The following CDCA2 variants were observed in gnomAD, a reference collection of about 807,000 sequenced individuals.
CDCA2 encodes cell division cycle associated 2.
A neutral mutation model predicts 67.0 loss-of-function variants in CDCA2; 44 were observed. The observed-to-expected ratio is 0.66, with a 90% CI of 0.52 to 0.84. CDCA2 has a LOEUF of 0.84. Ranked by LOEUF, CDCA2 falls within the 40% of genes least tolerant of loss-of-function variation. The probability of loss-of-function intolerance (pLI) is 0.00; values close to 1 mark genes in which losing one functional copy is unlikely to be tolerated. For synonymous variants in CDCA2, 447 were observed against 418.7 expected, an observed-to-expected ratio of 1.07 and a Z score of -0.82; for missense variants, 1,253 against 1,203.2, an observed-to-expected ratio of 1.04 and a Z score of -0.61.
At chr8:25,469,156 C>G (rs2117488961) in intron 6 of CDCA2, among the ~76,000 whole-genome samples, 1 of 152,350 alleles carries the variant, frequency 6.6e-6, no homozygotes, top group East Asian at 1.9e-4. Flanking sequence ...AGAGGAGACA[C>G]CTAACACCGT....
intron 6 of CDCA2, among the ~76,000 whole-genome samples, chr8:25,469,007 G>T (rs185629859): frequency 3.5e-4 from 53 of 152,340 alleles, no homozygotes; most frequent in African/African-American, 1.2e-3. Context: ...ATCAAAAGGC[G>T]ATATTAGAAA....
intron 7 of CDCA2, among the ~76,000 whole-genome samples, chr8:25,472,735 A>G (rs1358286538): frequency 1.3e-5 from 2 of 152,218 alleles, no homozygotes; most frequent in African/African-American, 2.4e-5. Flanking sequence ...TTGAATGACA[A>G]ACCATAACTG....
At position 25,468,336 on chromosome 8, in the gene CDCA2, A is replaced by G; in HGVS notation, c.658A>G (p.Lys220Glu). Residue 220 changes from lysine to glutamate, a missense_variant, in exon 6 of 15, where the codon AAA becomes GAA. By Grantham distance (56) the Lys-to-Glu change is moderately conservative. Transcript: ENST00000330560. Reference sequence around the variant, plus strand: ...TGAAAATCTGACGGATGCTGAAGGAAAAGTAATTGGTCTCCAGATATTCAA... The same window carrying G: ...TGAAAATCTGACGGATGCTGAAGGAGAAGTAATTGGTCTCCAGATATTCAA... ...SDENLTDAEG[K>E]VIGLQIFNID... The G allele has an allele frequency of 6.2e-7, 1 of 1,613,990 alleles. No homozygotes were observed. Among genetic ancestry groups the G allele is most frequent in the South Asian group, 1.1e-5 (1 of 91,064 alleles).
intron 7 of CDCA2, among the ~76,000 whole-genome samples, chr8:25,477,514 G>T (rs1274493806): frequency 6.6e-6 from 1 of 152,142 alleles, no homozygotes; most frequent in Non-Finnish European, 1.5e-5. Flanking sequence ...AGCATTTCTG[G>T]ATTTTCAGGT....
intron 4 of CDCA2, 150 bp from the exon 5 acceptor site, chr8:25,466,025 T>G (rs529414765): frequency 1.8e-6 from 1 of 563,000 alleles, no homozygotes; most frequent in African/African-American, 2.0e-5. Context: ...AATTCCAGGG[T>G]GAAGAAGCTC....
intron 4 of CDCA2, among the ~76,000 whole-genome samples, chr8:25,463,986 T>G (rs77662775): frequency 6.6e-6 from 1 of 152,338 alleles, no homozygotes; most frequent in East Asian, 1.9e-4. Flanking sequence ...CAGATTTTAC[T>G]AAAGATAGAG....
rs533996251 is a variant in CDCA2, at chr8:25,495,468, G to T, written c.1671+6779G>T. On this transcript the variant is annotated intron_variant, in intron 13 of 14. Coordinates refer to ENST00000330560, the MANE Select transcript of CDCA2 (RefSeq NM_152562.4). ...CTTGCTCTGTCACCCAGGCTAGAGT[G>T]CAGTGGCGTGAGCTCGGCTCACTGC... Among the ~76,000 whole-genome samples, 16 of 151,988 alleles carry T rather than the reference G, an allele frequency of 1.1e-4. No homozygotes were observed. In the East Asian group the frequency reaches 2.9e-3, roughly 28 times the overall value.
At chr8:25,467,197 G>T (rs1437585622) in intron 5 of CDCA2, among the ~76,000 whole-genome samples, 1 of 150,896 alleles carries the variant, frequency 6.6e-6, no homozygotes, top group Admixed American at 6.6e-5. Flanking sequence ...TCAGATACCA[G>T]AATGTGACAA....
intron 14 of CDCA2, 122 bp downstream of exon 14, chr8:25,503,666 A>G: frequency 1.1e-6 from 1 of 934,850 alleles, no homozygotes; most frequent in Non-Finnish European, 1.6e-6. Flanking sequence ...TTTAAAAAGC[A>G]ATGTTTCCTC....
chr8:25,463,958 A>G (rs894519023), intron 4 of CDCA2, among the ~76,000 whole-genome samples: 3 of 152,010 alleles, frequency 2.0e-5, no homozygotes, highest in Non-Finnish European at 2.9e-5. Flanking sequence ...CCTCTTTCTC[A>G]TTGTTTTGGC....
Position 25,462,164 on chromosome 8 carries a change from A to T in CDCA2, c.343A>T (p.Lys115Ter). Residue 115 changes from lysine to a stop codon, truncating the protein, a stop_gained, in exon 4 of 15, where the codon AAG becomes TAG. Coordinates refer to ENST00000330560, the MANE Select transcript of CDCA2 (RefSeq NM_152562.4). LOFTEE classifies it high-confidence loss of function. ...IRFIARQQNIKNARKSPLAQD... is the reference protein window; with the variant it reads ...IRFIARQQNI ...TTTCATTGCTCGGCAGCAAAATATAAAGAATGCTAGGAAATCTCCTTTGGC... is the reference window on the plus strand; with the variant it reads ...TTTCATTGCTCGGCAGCAAAATATATAGAATGCTAGGAAATCTCCTTTGGC... 6.2e-7 allele frequency: 1 copy of T among 1,614,200 alleles called. No individual in the cohort carries two copies. Among genetic ancestry groups the T allele is most frequent in the Non-Finnish European group, 8.5e-7 (1 of 1,180,020 alleles).
chr8:25,503,288 T>C (rs1804544904), intron 13 of CDCA2, 85 bp from the exon 14 acceptor site: 1 of 1,003,146 alleles, frequency 1.0e-6, no homozygotes, highest in South Asian at 1.4e-5. Flanking sequence ...GTCTCAAAAA[T>C]AAATAAAAAT....
chr8:25,472,487 G>A (rs1803196869), intron 7 of CDCA2, among the ~76,000 whole-genome samples: 1 of 152,060 alleles, frequency 6.6e-6, no homozygotes, highest in Admixed American at 6.6e-5. Context: ...CTGACCTCAG[G>A]TGACCCACCT....
Position 25,466,193 on chromosome 8 carries a change from C to T in CDCA2, c.406C>T (p.Arg136Ter), listed in dbSNP as rs954608110. 2.5e-6 allele frequency: 4 copies of T among 1,610,290 alleles called. No individual in the cohort carries two copies. The highest frequency in any genetic ancestry group is 1.1e-5 in the South Asian group (1 of 90,128). ...SPSQGSPALY[R>*]NVNTLRERIS... is the part of the protein sequence containing the mutation. The stretch of plus-strand genomic sequence containing the variant: ...TTCACAGGGCAGCCCTGCACTGTAT[C>T]GAAATGTTAACACTTTAAGAGAACG... The change falls in exon 5 of 15, where the codon CGA becomes TGA. Residue 136 changes from arginine (R) to a stop codon, truncating the protein, a stop_gained. Coordinates refer to ENST00000330560, the MANE Select transcript of CDCA2 (RefSeq NM_152562.4). LOFTEE classifies it high-confidence loss of function.
At chr8:25,500,246 G>A (rs892670063) in intron 13 of CDCA2, among the ~76,000 whole-genome samples, 3 of 145,032 alleles carry the variant, frequency 2.1e-5, no homozygotes, top group African/African-American at 7.7e-5. Flanking sequence ...ATGTGAAGAG[G>A]GGATCTTTTT....
At chr8:25,460,737 A>G (rs17053743) in intron 3 of CDCA2, among the ~76,000 whole-genome samples, 183 bp downstream of exon 3, 42,541 of 152,124 alleles carry the variant, frequency 0.28, 6,067 homozygotes, top group Non-Finnish European at 0.31. Flanking sequence ...AGCAGGGATC[A>G]CGGAATCGCA....
At position 25,484,100 on chromosome 8, in the gene CDCA2, A is replaced by T. The variant is rs745482961; in HGVS notation, c.1255A>T (p.Thr419Ser). The change falls in exon 10 of 15, where the codon ACA becomes TCA. Residue 419 changes from threonine to serine, a missense_variant. By Grantham distance (58) the Thr-to-Ser change is moderately conservative. Coordinates refer to ENST00000330560, the MANE Select transcript of CDCA2 (RefSeq NM_152562.4). ...PANTPLRKGG[T>S]PVCKKDFSGL... ...AAATACTCCATTGCGTAAAGGAGGA[A>T]CACCTGTTTGTAAAAAAGACTTCAG... 3 of 1,614,202 alleles carry T rather than the reference A, an allele frequency of 1.9e-6. No homozygotes were observed. The Admixed American group carries it at 5.0e-5, about 27-fold the overall frequency.
chr8:25,495,580 A>T (rs1382598447), intron 13 of CDCA2, among the ~76,000 whole-genome samples: 1 of 151,944 alleles, frequency 6.6e-6, no homozygotes, highest in Admixed American at 6.6e-5. Flanking sequence ...ACGCCCGGCT[A>T]ATTTTTTATT....
intron 6 of CDCA2, 34 bp downstream of exon 6, chr8:25,468,447 G>A (rs1041357795): frequency 6.3e-7 from 1 of 1,575,106 alleles, no homozygotes; most frequent in South Asian, 1.1e-5. Context: ...GGAAAATGAA[G>A]TTGTTGGTTT....
Sources: gnomAD v4.1 joint callset for allele counts (sites outside exome capture counted in the v4.1 genomes callset) on GRCh38, gnomAD v4.1.1 for gene constraint, MANE v1.5 for transcripts, NCBI Gene and HGNC (gene_info 2026-07-23, HGNC 2026-07-21) for gene names.